Variants in AGPS observed in about 807,000 individuals in gnomAD.
AGPS encodes the protein alkylglycerone phosphate synthase, also known as alkyldihydroxyacetonephosphate synthase, peroxisomal.
A neutral mutation model predicts 90.7 loss-of-function variants in AGPS; 26 were observed. The ratio of observed to expected loss-of-function variants is 0.29; its 90% CI spans 0.21 to 0.40. AGPS has a LOEUF of 0.40. AGPS is among the 10% of genes least tolerant of loss of function. The pLI is 1.00. For synonymous variants in AGPS, 294 were observed against 285.3 expected (o/e 1.03, Z -0.31); for missense variants, 540 against 816.1 (o/e 0.66, Z 4.12).
At chr2:177,523,341 T>G (rs1037980770) in intron 18 of AGPS, among the ~76,000 whole-genome samples, 2 of 152,322 alleles carry the variant, frequency 1.3e-5, no homozygotes, top group South Asian at 4.1e-4. Flanking sequence ...GCAAATTACT[T>G]GGAACTTTTC....
At chr2:177,485,049 T>C (rs1688055532) in intron 11 of AGPS, among the ~76,000 whole-genome samples, 1 of 152,220 alleles carries the variant, frequency 6.6e-6, no homozygotes, top group Non-Finnish European at 1.5e-5. Flanking sequence ...ATTGCTGGCA[T>C]GAGCCACCAT....
At chr2:177,463,315 G>A (rs1012346220) in intron 9 of AGPS, among the ~76,000 whole-genome samples, 2 of 152,172 alleles carry the variant, frequency 1.3e-5, no homozygotes, top group Admixed American at 6.5e-5. Flanking sequence ...GATATTTGCT[G>A]CATAGAATTA....
chr2:177,423,641 C>T (rs555751546), intron 2 of AGPS, among the ~76,000 whole-genome samples: 196 of 152,192 alleles, frequency 1.3e-3, no homozygotes, highest in African/African-American at 4.4e-3. Flanking sequence ...GATTTTTATA[C>T]GGAAATGTAG....
At chr2:177,501,973 A>G (rs1413634865) in intron 14 of AGPS, among the ~76,000 whole-genome samples, 1 of 152,198 alleles carries the variant, frequency 6.6e-6, no homozygotes, top group Non-Finnish European at 1.5e-5. Context: ...AATTTGAGCC[A>G]CCGACTGACA....
At chr2:177,520,365 A>G (rs1689143018) in intron 17 of AGPS, among the ~76,000 whole-genome samples, 2 of 152,268 alleles carry the variant, frequency 1.3e-5, no homozygotes, top group South Asian at 4.1e-4. Flanking sequence ...GATTTTTTAA[A>G]TAATGAAAAT....
At chr2:177,478,299 G>A (rs191260382) in intron 10 of AGPS, among the ~76,000 whole-genome samples, 1 of 152,156 alleles carries the variant, frequency 6.6e-6, no homozygotes, top group African/African-American at 2.4e-5. Flanking sequence ...TTGACTTTTA[G>A]CATTCCTACT....
chr2:177,479,074 G>C (rs971279600), intron 10 of AGPS, among the ~76,000 whole-genome samples: 7 of 152,124 alleles, frequency 4.6e-5, no homozygotes, highest in African/African-American at 1.7e-4. Context: ...CTGAACCACG[G>C]CTCAGGAGTT....
At chr2:177,416,433 C>G (rs1319210555) in intron 1 of AGPS, among the ~76,000 whole-genome samples, 1 of 152,116 alleles carries the variant, frequency 6.6e-6, no homozygotes, top group Non-Finnish European at 1.5e-5. Flanking sequence ...CAGTTTGGTA[C>G]TGTGGTTAGA....
intron 10 of AGPS, among the ~76,000 whole-genome samples, chr2:177,480,415 A>G (rs1224119262): frequency 6.6e-6 from 1 of 152,220 alleles, no homozygotes; most frequent in Admixed American, 6.5e-5. Flanking sequence ...TGATGAGTTC[A>G]TGTCCTTTGT....
chr2:177,396,847 A>G (rs1222609901), intron 1 of AGPS, among the ~76,000 whole-genome samples: 2 of 152,156 alleles, frequency 1.3e-5, no homozygotes, highest in African/African-American at 4.8e-5. Context: ...GTCCAGAGGA[A>G]TGTGGACATT....
chr2:177,499,645 AGT>A lies in AGPS; in HGVS notation c.1393_1394del (p.Val465SerfsTer6). 6.2e-7 allele frequency: 1 copy of A among 1,611,572 alleles called. No homozygotes were observed. Among genetic ancestry groups the A allele is most frequent in the Non-Finnish European group, 8.5e-7 (1 of 1,178,528 alleles). ...KFKGFDPNQLSVATLLFEGDR... is the reference protein window; with the variant it reads ...KFKGFDPNQLXVATLLFEGDR... ...TAAAGGATTTGACCCAAATCAGCTA[AGT>A]GTAGCCACATTACTGTTTGAGGGGG... On this transcript the variant is annotated frameshift_variant, in exon 14 of 20. Coordinates refer to ENST00000264167, the MANE Select transcript of AGPS (RefSeq NM_003659.4). LOFTEE classifies it high-confidence loss of function.
chr2:177,507,914 A>T (rs1424773998), intron 15 of AGPS, 56 bp from the exon 16 acceptor site: 16 of 1,181,194 alleles, frequency 1.4e-5, no homozygotes, highest in Admixed American at 8.4e-5. Context: ...TAACAGTGTT[A>T]TTGATTCTTC....
intron 10 of AGPS, among the ~76,000 whole-genome samples, chr2:177,476,900 A>T (rs1247985969): frequency 6.6e-6 from 1 of 152,038 alleles, no homozygotes; most frequent in East Asian, 1.9e-4. Flanking sequence ...ATCATTATAA[A>T]ATGTTCTTCT....
chr2:177,436,589 A>T (rs1005611120), intron 3 of AGPS, among the ~76,000 whole-genome samples, 175 bp from the exon 4 acceptor site: 16 of 152,166 alleles, frequency 1.1e-4, no homozygotes, highest in African/African-American at 3.6e-4. Flanking sequence ...AGAAATTTGT[A>T]ATTTGTTACT....
At chr2:177,463,404 A>G (rs148696570) in intron 9 of AGPS, among the ~76,000 whole-genome samples, 50 of 152,316 alleles carry the variant, frequency 3.3e-4, no homozygotes, top group African/African-American at 1.1e-3. Context: ...TTGTTTCCTT[A>G]TCGTCAATAT....
chr2:177,509,124 CTT>C (rs1688791713), intron 16 of AGPS, among the ~76,000 whole-genome samples: 1 of 152,072 alleles, frequency 6.6e-6, no homozygotes, highest in Non-Finnish European at 1.5e-5. Context: ...CCCCAGAAAA[CTT>C]TTTACTTTTC....
chr2:177,460,196 A>G (rs1014575684), intron 8 of AGPS, among the ~76,000 whole-genome samples: 2 of 152,134 alleles, frequency 1.3e-5, no homozygotes, highest in Non-Finnish European at 2.9e-5. Context: ...GGATAACATT[A>G]GGAGAAATAC....
intron 10 of AGPS, among the ~76,000 whole-genome samples, chr2:177,479,678 A>G (rs1247920924): frequency 2.6e-5 from 4 of 152,220 alleles, no homozygotes. Flanking sequence ...AGAAGGCCAG[A>G]TATTATGAGA....
intron 12 of AGPS, among the ~76,000 whole-genome samples, chr2:177,494,741 C>T (rs1688364942): frequency 6.6e-6 from 1 of 152,166 alleles, no homozygotes; most frequent in African/African-American, 2.4e-5. Context: ...CTAGTCTTTA[C>T]TGTGTCTCCC....
Sources: allele counts gnomAD v4.1 joint callset (sites outside exome capture counted in the v4.1 genomes callset), GRCh38; gene constraint gnomAD v4.1.1; transcripts MANE v1.5; gene names NCBI Gene and HGNC (gene_info 2026-07-23, HGNC 2026-07-21).